The following PARD3B variants were observed in gnomAD, a reference collection of about 807,000 sequenced individuals.
The protein encoded by PARD3B is par-3 family cell polarity regulator beta.
Under a neutral mutation model 130.2 loss-of-function variants are expected in PARD3B, and 103 were observed. The observed-to-expected ratio is 0.79, with a 90% CI of 0.67 to 0.93. The LOEUF is 0.93. Among genes scored for constraint, PARD3B ranks in the 40% least tolerant of loss-of-function variants. The pLI is 0.00. For synonymous variants in PARD3B, 583 were observed against 553.2 expected (o/e 1.05, Z -0.76); for missense variants, 1,609 against 1,499.2 (o/e 1.07, Z -1.21).
At position 205,288,522 on chromosome 2, in the gene PARD3B, C is replaced by A. The variant is rs1347330817; in HGVS notation, c.2186-12008C>A. 1.3e-5 allele frequency among the ~76,000 whole-genome samples: 2 copies of A among 152,086 alleles called. No individual in the cohort carries two copies. The highest frequency in any genetic ancestry group is 4.8e-5 in the African/African-American group (2 of 41,416). ...GAATACCAATATCATCAAGCGTTTACTCTGGTAAAAAAACTTCATGGCTTT... is the reference window on the plus strand; with the variant it reads ...GAATACCAATATCATCAAGCGTTTAATCTGGTAAAAAAACTTCATGGCTTT... On this transcript the variant is annotated intron_variant, in intron 16 of 22. Coordinates refer to ENST00000406610, the MANE Select transcript of PARD3B (RefSeq NM_001302769.2). The surrounding 1 kb of genome is among the most constrained non-coding windows in gnomAD (Gnocchi z 4.0).
chr2:205,416,826 A>C (rs2046792378), intron 19 of PARD3B, among the ~76,000 whole-genome samples: 4 of 152,088 alleles, frequency 2.6e-5, no homozygotes, highest in Admixed American at 1.3e-4. Context: ...TCTTACAAGG[A>C]GCTCAAAACT....
chr2:205,540,024 T>A (rs1199499409), intron 21 of PARD3B, among the ~76,000 whole-genome samples: 1 of 152,112 alleles, frequency 6.6e-6, no homozygotes, highest in Admixed American at 6.6e-5. Flanking sequence ...TGCAGGGAAG[T>A]CTGGGAGAGG....
At chr2:204,985,050 A>G (rs1021500694) in intron 3 of PARD3B, among the ~76,000 whole-genome samples, 4 of 152,114 alleles carry the variant, frequency 2.6e-5, no homozygotes, top group Admixed American at 2.6e-4. Flanking sequence ...AGGCATTGCT[A>G]CAAATTCAAT....
Position 205,042,456 on chromosome 2 carries a change from G to A in PARD3B, c.395-5125G>A, listed in dbSNP as rs539860014. Among the ~76,000 whole-genome samples, 11 of 152,220 alleles carry A rather than the reference G, an allele frequency of 7.2e-5. No homozygotes were observed. The South Asian group carries it at 2.1e-3, about 29-fold the overall frequency. ...TGTGGTATAAGTCCTGAATGTCAGTGGAGAATATTCTAGTGAGAATTATGC... is the reference window on the plus strand; with the variant it reads ...TGTGGTATAAGTCCTGAATGTCAGTAGAGAATATTCTAGTGAGAATTATGC... On this transcript the variant is annotated intron_variant, in intron 3 of 22. Transcript: ENST00000406610.
intron 1 of PARD3B, among the ~76,000 whole-genome samples, chr2:204,558,639 T>C (rs2031096021): frequency 6.6e-6 from 1 of 152,196 alleles, no homozygotes; most frequent in Admixed American, 6.5e-5. Flanking sequence ...ATAGATTCAG[T>C]GCCATCCCCA....
chr2:205,369,752 A>G (rs1164122199), intron 18 of PARD3B, among the ~76,000 whole-genome samples: 1 of 152,204 alleles, frequency 6.6e-6, no homozygotes, highest in Admixed American at 6.5e-5. Flanking sequence ...GACTTTTTCC[A>G]AGTGGGACAA....
intron 2 of PARD3B, among the ~76,000 whole-genome samples, chr2:204,851,844 C>G (rs907566142): frequency 3.5e-4 from 54 of 152,176 alleles, no homozygotes; most frequent in African/African-American, 1.3e-3. Flanking sequence ...AGGCACCCAC[C>G]ACCATGCCCG....
chr2:205,431,454 C>T (rs998694014), intron 19 of PARD3B, among the ~76,000 whole-genome samples: 2 of 152,034 alleles, frequency 1.3e-5, no homozygotes, highest in Admixed American at 1.3e-4. Flanking sequence ...TTTTGGATAT[C>T]TGAAAGTTTT....
intron 3 of PARD3B, among the ~76,000 whole-genome samples, chr2:205,023,191 G>A (rs538598159): frequency 4.6e-5 from 7 of 152,234 alleles, no homozygotes; most frequent in East Asian, 3.9e-4. Flanking sequence ...ATTTGTGATC[G>A]CTTTCACAGA....
intron 3 of PARD3B, among the ~76,000 whole-genome samples, chr2:204,975,239 A>C (rs1692042255): frequency 6.6e-6 from 1 of 152,126 alleles, no homozygotes; most frequent in Non-Finnish European, 1.5e-5. Flanking sequence ...GGTATTCATA[A>C]AATTTTAACT....
intron 15 of PARD3B, among the ~76,000 whole-genome samples, chr2:205,226,167 G>A (rs1179709746): frequency 1.3e-5 from 2 of 152,062 alleles, no homozygotes; most frequent in South Asian, 2.1e-4. Flanking sequence ...TCAGCCTCCC[G>A]AGTAGCTGGG....
intron 2 of PARD3B, among the ~76,000 whole-genome samples, chr2:204,714,868 T>G (rs147604986): frequency 6.6e-6 from 1 of 152,318 alleles, no homozygotes; most frequent in African/African-American, 2.4e-5. Context: ...TATGTTATAG[T>G]GAGGTGCTAT....
intron 2 of PARD3B, among the ~76,000 whole-genome samples, chr2:204,721,425 G>C (rs752321815): frequency 2.6e-5 from 4 of 152,142 alleles, no homozygotes; most frequent in Non-Finnish European, 5.9e-5. Flanking sequence ...CTCTTTTAAA[G>C]TGGCATCTCT....
In PARD3B at chr2:205,276,765, G is replaced by T. The variant is rs2040966467; in HGVS notation, c.2186-23765G>T. ...AGAAAATTTGTCATCCTGCTAGAGA[G>T]ACCTATAGATTGGTGGTTAACCACA... On this transcript the variant is annotated intron_variant, in intron 16 of 22. Transcript: ENST00000406610. The surrounding 1 kb of genome is among the most constrained non-coding windows in gnomAD (Gnocchi z 5.0). Among the ~76,000 whole-genome samples the T allele has an allele frequency of 6.6e-6, 1 of 152,204 alleles. No individual in the cohort carries two copies. The highest frequency in any genetic ancestry group is 6.5e-5 in the Admixed American group (1 of 15,286).
At chr2:204,582,571 G>A (rs2032617729) in intron 1 of PARD3B, among the ~76,000 whole-genome samples, 1 of 152,104 alleles carries the variant, frequency 6.6e-6, no homozygotes, top group South Asian at 2.1e-4. Flanking sequence ...CCACAGCACG[G>A]GTGGGTTTTG....
chr2:205,057,623 ACG>A (rs1386768650), intron 4 of PARD3B, among the ~76,000 whole-genome samples: 22 of 145,452 alleles, frequency 1.5e-4, no homozygotes, highest in African/African-American at 5.5e-4. Context: ...GTATGTGTAT[ACG>A]TATATATATA....
intron 3 of PARD3B, among the ~76,000 whole-genome samples, chr2:204,991,345 C>T (rs1198922808): frequency 6.9e-5 from 10 of 144,190 alleles, no homozygotes; most frequent in East Asian, 2.0e-4. Flanking sequence ...TTTGTTCTTG[C>T]GATAGTTTAC....
intron 21 of PARD3B, among the ~76,000 whole-genome samples, chr2:205,522,675 T>C (rs1420200565): frequency 6.6e-6 from 1 of 152,096 alleles, no homozygotes; most frequent in Non-Finnish European, 1.5e-5. Context: ...GGCACACTAG[T>C]AGATGATAAA....
intron 15 of PARD3B, among the ~76,000 whole-genome samples, chr2:205,226,072 C>T (rs543171205): frequency 6.6e-5 from 10 of 152,282 alleles, no homozygotes; most frequent in South Asian, 6.2e-4. Context: ...TCAAGAGTCT[C>T]GTTGTGTCAC....
Sources: gnomAD v4.1 joint callset for allele counts (sites outside exome capture counted in the v4.1 genomes callset) on GRCh38, gnomAD v4.1.1 for gene constraint, Gnocchi (gnomAD v3.1) non-coding constraint, MANE v1.5 for transcripts, NCBI Gene and HGNC (gene_info 2026-07-23, HGNC 2026-07-21) for gene names.